The following XKR4 variants were observed in gnomAD, a reference collection of about 807,000 sequenced individuals.
The protein encoded by XKR4 is XK-related protein 4.
Under a neutral mutation model 53.9 loss-of-function variants are expected in XKR4, and 12 were observed. The observed-to-expected ratio is 0.22, with a 90% CI of 0.14 to 0.36. The LOEUF (loss-of-function observed/expected upper bound fraction) is 0.36, where lower values mean the gene tolerates loss of function less well. XKR4 is among the 10% of genes least tolerant of loss of function. XKR4 has a pLI of 1.00. For synonymous variants in XKR4, 354 were observed against 362.4 expected (o/e 0.98, Z 0.26); for missense variants, 799 against 859.5 (o/e 0.93, Z 0.88).
In XKR4 at chr8:55,524,407, G is replaced by A; in HGVS notation, c.*180G>A. On this transcript the variant is annotated 3_prime_UTR_variant, in exon 3 of 3. Coordinates refer to ENST00000327381, the MANE Select transcript of XKR4 (RefSeq NM_052898.2). The stretch of plus-strand genomic sequence containing the variant: ...CGGCTGGTCTCCTTCCAAAGCAGCT[G>A]CACCCGAGAGTCTCTGACTCCACCT... 1.6e-6 allele frequency: 1 copy of A among 629,264 alleles called. No individual in the cohort carries two copies. Among genetic ancestry groups the A allele is most frequent in the African/African-American group, 1.8e-5 (1 of 54,524 alleles). 39.0% of individuals were successfully genotyped at this position (629,264 alleles called of 1,614,324 possible). A position where few individuals can be genotyped will look rare whatever the true frequency, so the allele number is the denominator to read the frequency against.
chr8:55,378,536 G>A (rs1804183312), intron 2 of XKR4, among the ~76,000 whole-genome samples: 1 of 152,188 alleles, frequency 6.6e-6, no homozygotes, highest in African/African-American at 2.4e-5. Flanking sequence ...ATGAAATTCA[G>A]GAAAGTGGTT....
At chr8:55,439,255 CTT>C (rs1056439938) in intron 2 of XKR4, among the ~76,000 whole-genome samples, 2 of 151,980 alleles carry the variant, frequency 1.3e-5, no homozygotes, top group African/African-American at 4.8e-5. Flanking sequence ...AACAAATACT[CTT>C]TGAAAAATGC....
chr8:55,394,951 T>C (rs965056620), intron 2 of XKR4, among the ~76,000 whole-genome samples: 29 of 152,218 alleles, frequency 1.9e-4, no homozygotes, highest in African/African-American at 5.8e-4. Context: ...CAGCAGATAC[T>C]ACCAAGATAG....
chr8:55,288,773 C>A (rs193250671), intron 1 of XKR4, among the ~76,000 whole-genome samples: 1 of 152,152 alleles, frequency 6.6e-6, no homozygotes, highest in Non-Finnish European at 1.5e-5. Flanking sequence ...GGACAATAAT[C>A]CAACACAAGG....
chr8:55,512,477 T>C (rs1277885747), intron 2 of XKR4, among the ~76,000 whole-genome samples: 1 of 152,200 alleles, frequency 6.6e-6, no homozygotes, highest in Admixed American at 6.5e-5. Flanking sequence ...CATCTCTTCT[T>C]GAGCTTCCTT....
At chr8:55,450,412 G>T in intron 2 of XKR4, 1 of 580,446 alleles carries the variant, frequency 1.7e-6, no homozygotes, top group East Asian at 3.4e-5. Context: ...GTGGAACATG[G>T]CTGTCCTCTT....
chr8:55,230,899 A>G (rs1032839591), intron 1 of XKR4, among the ~76,000 whole-genome samples: 6 of 151,950 alleles, frequency 3.9e-5, no homozygotes, highest in Non-Finnish European at 7.4e-5. Flanking sequence ...TTCAACAAGC[A>G]CTCACGGTCC....
At chr8:55,344,204 T>G (rs1427308684) in intron 1 of XKR4, among the ~76,000 whole-genome samples, 1 of 152,128 alleles carries the variant, frequency 6.6e-6, no homozygotes, top group Non-Finnish European at 1.5e-5. Flanking sequence ...GGCCTATGGA[T>G]TTTTCAGTTA....
chr8:55,454,627 C>T, intron 2 of XKR4: 1 of 1,205,368 alleles, frequency 8.3e-7, no homozygotes, highest in Non-Finnish European at 1.2e-6. Flanking sequence ...CTACTAGCCC[C>T]CAGCCAGGGG....
chr8:55,539,018 G>A lies in XKR4; in HGVS notation c.*14791G>A, dbSNP rs1438123271. On this transcript the variant is annotated 3_prime_UTR_variant, in exon 3 of 3. Transcript: ENST00000327381. Reference sequence around the variant, plus strand: ...CATATGCTTACATGTGCTTAGGTGGGAATTCTACTAAAGGATAAAGGACAC... The same window carrying A: ...CATATGCTTACATGTGCTTAGGTGGAAATTCTACTAAAGGATAAAGGACAC... 6.6e-6 allele frequency: 1 copy of A among 152,150 alleles called. No homozygotes were observed. The allele number at this position is 152,150 out of a possible 1,614,324, so 9.4% of individuals were successfully genotyped here. A position where few individuals can be genotyped will look rare whatever the true frequency, so the allele number is the denominator to read the frequency against.
At chr8:55,394,245 T>G (rs528244738) in intron 2 of XKR4, among the ~76,000 whole-genome samples, 3 of 152,146 alleles carry the variant, frequency 2.0e-5, no homozygotes, top group Non-Finnish European at 4.4e-5. Flanking sequence ...GATATAAGAA[T>G]GAAGATTGGC....
At chr8:55,351,456 G>A (rs1002621583) in intron 1 of XKR4, among the ~76,000 whole-genome samples, 1 of 152,140 alleles carries the variant, frequency 6.6e-6, no homozygotes, top group East Asian at 1.9e-4. Context: ...TGGGGAGCAT[G>A]TTTGTAGCTT....
At chr8:55,414,754 T>C (rs1804821180) in intron 2 of XKR4, among the ~76,000 whole-genome samples, 1 of 152,070 alleles carries the variant, frequency 6.6e-6, no homozygotes, top group Non-Finnish European at 1.5e-5. Flanking sequence ...GTGCCTAGAG[T>C]GATCCATGCA....
At chr8:55,124,731 A>G (rs1432317711) in intron 1 of XKR4, among the ~76,000 whole-genome samples, 3 of 152,150 alleles carry the variant, frequency 2.0e-5, no homozygotes, top group Admixed American at 6.6e-5. Flanking sequence ...TATTCTTTTT[A>G]GATACAGCAT....
At position 55,195,775 on chromosome 8, in the gene XKR4, A is replaced by T. The variant is rs150831528; in HGVS notation, c.806+92481A>T. On this transcript the variant is annotated intron_variant, in intron 1 of 2. Coordinates refer to ENST00000327381, the MANE Select transcript of XKR4 (RefSeq NM_052898.2). The stretch of plus-strand genomic sequence containing the variant: ...TGTTTAGTTTTGCATATACAAACAA[A>T]TATTTGAAGACTGCTATTTATGTTA... Among the ~76,000 whole-genome samples, 12 of 152,324 alleles carry T rather than the reference A, an allele frequency of 7.9e-5. No individual in the cohort carries two copies. In the East Asian group the frequency reaches 2.1e-3, roughly 27 times the overall value.
intron 1 of XKR4, among the ~76,000 whole-genome samples, chr8:55,252,212 T>G (rs1223676567): frequency 6.6e-6 from 1 of 152,254 alleles, no homozygotes; most frequent in Non-Finnish European, 1.5e-5. Flanking sequence ...TGGCAGCAAC[T>G]GTATACTAAG....
intron 2 of XKR4, chr8:55,451,784 G>A (rs1196288744): frequency 1.1e-5 from 11 of 1,028,488 alleles, no homozygotes; most frequent in Non-Finnish European, 1.7e-5. Flanking sequence ...CCCAGGCCAA[G>A]GCACTGATAG....
rs1016804349 is a variant in XKR4, at chr8:55,454,721, G to A, written c.1007-68560G>A. On this transcript the variant is annotated intron_variant, in intron 2 of 2. Transcript: ENST00000327381. ...ACGTGGACGGCATAGATGAGGCCGA[G>A]GCTGTTCCTGAACACCTCCGCATGG... 28 of 831,478 alleles carry A rather than the reference G, an allele frequency of 3.4e-5. No homozygotes were observed. In the African/African-American group the frequency reaches 3.6e-4, roughly 11 times the overall value. 51.5% of individuals were successfully genotyped at this position (831,478 alleles called of 1,614,324 possible).
At chr8:55,464,444 T>G (rs1805722373) in intron 2 of XKR4, among the ~76,000 whole-genome samples, 1 of 152,142 alleles carries the variant, frequency 6.6e-6, no homozygotes, top group Admixed American at 6.5e-5. Context: ...TGCTAAAAAC[T>G]CTCAATAAAT....
Sources: gnomAD v4.1 joint callset for allele counts (sites outside exome capture counted in the v4.1 genomes callset) on GRCh38, gnomAD v4.1.1 for gene constraint, MANE v1.5 for transcripts, NCBI Gene and HGNC (gene_info 2026-07-23, HGNC 2026-07-21) for gene names.